Variants in PARD3 observed in about 807,000 individuals in gnomAD.
PARD3 encodes par-3 family cell polarity regulator.
Under a neutral mutation model 155.4 loss-of-function variants are expected in PARD3, and 75 were observed. The observed-to-expected ratio is 0.48, with a 90% CI of 0.40 to 0.58. The LOEUF (loss-of-function observed/expected upper bound fraction) is 0.58. PARD3 is among the 20% of genes least tolerant of loss of function. The pLI, the probability that PARD3 is intolerant of heterozygous loss-of-function variation, is 0.00. For synonymous variants in PARD3, 576 were observed against 610.5 expected, an observed-to-expected ratio of 0.94 and a Z score of 0.83; for missense variants, 1,642 against 1,721.7, an observed-to-expected ratio of 0.95 and a Z score of 0.82.
chr10:34,228,847 C>T (rs555711872), intron 22 of PARD3, among the ~76,000 whole-genome samples: 2 of 152,198 alleles, frequency 1.3e-5, no homozygotes, highest in Non-Finnish European at 1.5e-5. Context: ...CCCTTTATTA[C>T]GCACGTGTGT....
At chr10:34,449,872 A>C (rs2076965917) in intron 5 of PARD3, among the ~76,000 whole-genome samples, 1 of 152,218 alleles carries the variant, frequency 6.6e-6, no homozygotes. Context: ...AAAATACCGT[A>C]ATCTAAATTC....
intron 22 of PARD3, among the ~76,000 whole-genome samples, chr10:34,200,492 GTCTA>G (rs1951161965): frequency 1.3e-5 from 2 of 151,848 alleles, no homozygotes; most frequent in Non-Finnish European, 3.0e-5. Context: ...AGCAGATGGG[GTCTA>G]TCTGTTTCCT....
At chr10:34,315,543 C>G (rs887162986) in intron 20 of PARD3, among the ~76,000 whole-genome samples, 2 of 152,176 alleles carry the variant, frequency 1.3e-5, no homozygotes, top group Admixed American at 6.5e-5. Context: ...AGGTTTCTCC[C>G]ATCTCTAACC....
chr10:34,759,712 T>C (rs1837198422), intron 1 of PARD3, among the ~76,000 whole-genome samples: 1 of 152,204 alleles, frequency 6.6e-6, no homozygotes, highest in South Asian at 2.1e-4. Flanking sequence ...GCACAAGGAT[T>C]TCAGCCAGCA....
chr10:34,183,953 A>T lies in PARD3; in HGVS notation c.3420-52370T>A, dbSNP rs578104498. Reference sequence around the variant, plus strand: ...AACTTCAGCCTCCTGGGTAGCTGAGACTATAGGTGTGCGCCATCATGGCTG... The same window carrying T: ...AACTTCAGCCTCCTGGGTAGCTGAGTCTATAGGTGTGCGCCATCATGGCTG... On this transcript the variant is annotated intron_variant, in intron 22 of 24. Coordinates refer to ENST00000374788, the MANE Select transcript of PARD3 (RefSeq NM_001184785.2). Among the ~76,000 whole-genome samples, 4 of 152,254 alleles carry T rather than the reference A, an allele frequency of 2.6e-5. No homozygotes were observed. The East Asian group carries it at 7.7e-4, about 29-fold the overall frequency.
intron 5 of PARD3, 70 bp downstream of exon 5, chr10:34,450,247 G>A: frequency 3.6e-6 from 5 of 1,400,048 alleles, no homozygotes; most frequent in Admixed American, 4.3e-5. Context: ...ATTGAGATGG[G>A]AGAAACATCT....
intron 24 of PARD3, among the ~76,000 whole-genome samples, chr10:34,117,965 T>G (rs10466067): frequency 0.035 from 5,332 of 152,190 alleles, 191 homozygotes; most frequent in African/African-American, 0.094. Context: ...AAATCATGGT[T>G]TAGGGCATGG....
chr10:34,684,597 C>G (rs2093909197), intron 2 of PARD3, among the ~76,000 whole-genome samples: 1 of 152,116 alleles, frequency 6.6e-6, no homozygotes, highest in Non-Finnish European at 1.5e-5. Context: ...AGGAGCCACA[C>G]ACTGCCTGCA....
At chr10:34,612,050 T>G (rs2090948119) in intron 2 of PARD3, among the ~76,000 whole-genome samples, 1 of 151,436 alleles carries the variant, frequency 6.6e-6, no homozygotes, top group African/African-American at 2.4e-5. Context: ...ATGGTCTCGA[T>G]CCCCTCACCT....
chr10:34,807,455 C>T (rs1019326463), intron 1 of PARD3, among the ~76,000 whole-genome samples: 2 of 152,168 alleles, frequency 1.3e-5, no homozygotes, highest in African/African-American at 4.8e-5. Flanking sequence ...GCAACCATCA[C>T]CATGATCTTA....
At chr10:34,325,272 A>C (rs1365384645) in intron 19 of PARD3, among the ~76,000 whole-genome samples, 1 of 152,078 alleles carries the variant, frequency 6.6e-6, no homozygotes, top group East Asian at 1.9e-4. Context: ...AGCCACCCAA[A>C]GTGCTGGGAT....
chr10:34,225,989 A>G (rs1952580896), intron 22 of PARD3, among the ~76,000 whole-genome samples: 1 of 152,214 alleles, frequency 6.6e-6, no homozygotes, highest in African/African-American at 2.4e-5. Flanking sequence ...AAAAATAAAA[A>G]ATACATAAAC....
At chr10:34,750,346 G>A (rs929257801) in intron 1 of PARD3, among the ~76,000 whole-genome samples, 1 of 135,710 alleles carries the variant, frequency 7.4e-6, no homozygotes, top group African/African-American at 2.5e-5. Flanking sequence ...GACATTTCAA[G>A]CAAAAGCAGA....
rs60211169 is a variant in PARD3 at position 34,573,736 on chromosome 10, AACACACACACACAC to A, written c.223-56591_223-56578del. On this transcript the variant is annotated intron_variant, in intron 2 of 24. Transcript: ENST00000374788. The stretch of plus-strand genomic sequence containing the variant: ...ACAAACAAACAAACAAACAAACAAA[AACACACACACACAC>A]ACACACACACACACACACACACACA... 4.9e-3 allele frequency among the ~76,000 whole-genome samples: 193 copies of A among 39,582 alleles called. 1 individual carries two copies. Among genetic ancestry groups the A allele is most frequent in the African/African-American group, 0.017 (190 of 11,464 alleles). 26.0% of individuals were successfully genotyped at this position (39,582 alleles called of 152,430 possible). A position where few individuals can be genotyped will look rare whatever the true frequency, so the allele number is the denominator to read the frequency against.
rs1198529681 is a variant in PARD3, at chr10:34,355,941, AAAAAACAAAACAAAACCAAAC to A, written c.2067+3185_2067+3205del. 2.3e-4 allele frequency among the ~76,000 whole-genome samples: 30 copies of A among 131,918 alleles called. 1 individual carries two copies. The highest frequency in any genetic ancestry group is 6.3e-4 in the African/African-American group (16 of 25,450). 86.5% of individuals were successfully genotyped at this position (131,918 alleles called of 152,430 possible). On this transcript the variant is annotated intron_variant, in intron 14 of 24. Coordinates refer to ENST00000374788, the MANE Select transcript of PARD3 (RefSeq NM_001184785.2). ...CTCCGTCTCAAAAAAAAAAAAAAAA[AAAAAACAAAACAAAACCAAAC>A]AAAAAAACAGACAACAGACCCAGAG...
At position 34,157,884 on chromosome 10, in the gene PARD3, T is replaced by C. The variant is rs534717079; in HGVS notation, c.3420-26301A>G. Reference sequence around the variant, plus strand: ...CTGTTTATTGTGTTAACTACAATTCTAACCCAGGATTTTTCAAACTTTGAC... The same window carrying C: ...CTGTTTATTGTGTTAACTACAATTCCAACCCAGGATTTTTCAAACTTTGAC... On this transcript the variant is annotated intron_variant, in intron 22 of 24. Coordinates refer to ENST00000374788, the MANE Select transcript of PARD3 (RefSeq NM_001184785.2). Among the ~76,000 whole-genome samples, 5 of 152,360 alleles carry C rather than the reference T, an allele frequency of 3.3e-5. No homozygotes were observed. In the East Asian group the frequency reaches 9.6e-4, roughly 29 times the overall value.
chr10:34,586,713 G>A (rs1000884121), intron 2 of PARD3, among the ~76,000 whole-genome samples: 4 of 152,170 alleles, frequency 2.6e-5, no homozygotes, highest in South Asian at 4.1e-4. Context: ...TTGGGAGGCC[G>A]AGGCGAGTTG....
At chr10:34,180,065 T>G (rs910819862) in intron 22 of PARD3, among the ~76,000 whole-genome samples, 6 of 152,146 alleles carry the variant, frequency 3.9e-5, no homozygotes, top group African/African-American at 1.4e-4. Flanking sequence ...GTTTTTTTTT[T>G]GAGACGGAGT....
intron 12 of PARD3, among the ~76,000 whole-genome samples, chr10:34,370,638 C>T (rs1840490326): frequency 6.6e-6 from 1 of 152,088 alleles, no homozygotes; most frequent in Non-Finnish European, 1.5e-5. Flanking sequence ...CAGATTGTCT[C>T]AGACATTAAT....
Sources: allele counts gnomAD v4.1 joint callset (sites outside exome capture counted in the v4.1 genomes callset), GRCh38; gene constraint gnomAD v4.1.1; transcripts MANE v1.5; gene names NCBI Gene and HGNC (gene_info 2026-07-23, HGNC 2026-07-21).